TMEM131L: variants seen among roughly 807,000 people sequenced by gnomAD.
TMEM131L encodes the protein transmembrane protein 131-like.
Under a neutral mutation model 192.2 loss-of-function variants are expected in TMEM131L, and 54 were observed. The ratio of observed to expected loss-of-function variants is 0.28; its 90% confidence interval spans 0.23 to 0.35. The LOEUF is 0.35. Ranked by LOEUF, TMEM131L falls within the 10% of genes least tolerant of loss-of-function variation. TMEM131L has a pLI of 1.00. For synonymous variants in TMEM131L, 701 were observed against 704.9 expected, an observed-to-expected ratio of 0.99 and a Z score of 0.09; for missense variants, 1,888 against 1,972.9, an observed-to-expected ratio of 0.96 and a Z score of 0.82.
chr4:153,604,107 G>A lies in TMEM131L; in HGVS notation c.3095G>A (p.Ser1032Asn), dbSNP rs1240018985. Reference sequence around the variant, plus strand: ...GATGCCATGCGTGAGAACTGGATCAGCCTCAGATATGCAAGTGGCATAAAT... The same window carrying A: ...GATGCCATGCGTGAGAACTGGATCAACCTCAGATATGCAAGTGGCATAAAT... ...CTDAMRENWI[S>N]LRYASGINVN... The change falls in exon 25 of 35, where the codon AGC (serine) becomes AAC (asparagine). Residue 1032 changes from serine to asparagine, a missense_variant. Coordinates refer to ENST00000409959, the MANE Select transcript of TMEM131L (RefSeq NM_001131007.2). 5 of 1,614,050 alleles carry A rather than the reference G, an allele frequency of 3.1e-6. No homozygotes were observed. The highest frequency in any genetic ancestry group is 3.4e-6 in the Non-Finnish European group (4 of 1,180,044).
chr4:153,508,978 G>A (rs1734172730), intron 3 of TMEM131L, among the ~76,000 whole-genome samples: 1 of 152,048 alleles, frequency 6.6e-6, no homozygotes, highest in Non-Finnish European at 1.5e-5. Context: ...ACTTAAGTAA[G>A]TTAAACAAAT....
chr4:153,596,290 C>T lies in TMEM131L; in HGVS notation c.2028C>T (p.Ile676=), dbSNP rs373339871. Residue 676 remains isoleucine, a synonymous_variant, in exon 20 of 35, where the codon ATC becomes ATT. Transcript: ENST00000409959. ...GTHSEESRFG[I]LHLHLQPLEM... is the part of the protein sequence containing the mutation. ...ATTCTGAGGAATCCAGGTTTGGCAT[C>T]CTCCACTTACATCTGCAGCCTTTGG... 7 of 1,613,944 alleles carry T rather than the reference C, an allele frequency of 4.3e-6. No homozygotes were observed. The highest frequency in any genetic ancestry group is 3.3e-5 in the Admixed American group (2 of 60,016).
chr4:153,469,509 TG>T lies in TMEM131L; in HGVS notation c.195+2229del, dbSNP rs201374315. On this transcript the variant is annotated intron_variant, in intron 2 of 34. Coordinates refer to ENST00000409959, the MANE Select transcript of TMEM131L (RefSeq NM_001131007.2). ...ATATTTATAGGTGTTAATTTAAATT[TG>T]AGGGTTTTCTGCTTAATTAACCAGT... is the stretch of plus-strand genomic sequence containing the variant. Among the ~76,000 whole-genome samples the T allele has an allele frequency of 8.6e-3, 1,310 of 152,324 alleles. 13 individuals carry two copies. The highest frequency in any genetic ancestry group is 0.041 in the Middle Eastern group (12 of 294).
At chr4:153,552,515 C>T (rs1320105115) in intron 4 of TMEM131L, among the ~76,000 whole-genome samples, 1 of 152,098 alleles carries the variant, frequency 6.6e-6, no homozygotes, top group Admixed American at 6.5e-5. Flanking sequence ...AGTATTTACA[C>T]ACAACCTCCC....
chr4:153,482,242 T>C (rs981015751), intron 3 of TMEM131L, among the ~76,000 whole-genome samples: 6 of 152,190 alleles, frequency 3.9e-5, no homozygotes, highest in Non-Finnish European at 8.8e-5. Context: ...TGGTACCTTC[T>C]ACAGGGTCCT....
intron 3 of TMEM131L, among the ~76,000 whole-genome samples, chr4:153,497,692 T>C (rs940788776): frequency 9.9e-5 from 15 of 152,178 alleles, no homozygotes; most frequent in South Asian, 8.3e-4. Flanking sequence ...TACCCTGTTC[T>C]GGAAAAGAAA....
rs546242082 is a variant in TMEM131L, at chr4:153,540,042, C to T, written c.240-10031C>T. Among the ~76,000 whole-genome samples the T allele has an allele frequency of 7.9e-5, 12 of 151,802 alleles. No homozygotes were observed. The South Asian group carries it at 2.3e-3, about 29-fold the overall frequency. ...AGGAGAATTGCTTGAACCCGGGAGG[C>T]GGAGGTTGCAGTGAGCTGAGATCGC... On this transcript the variant is annotated intron_variant, in intron 3 of 34. Coordinates refer to ENST00000409959, the MANE Select transcript of TMEM131L (RefSeq NM_001131007.2).
chr4:153,543,180 T>C (rs61659583), intron 3 of TMEM131L, among the ~76,000 whole-genome samples: 12,281 of 152,216 alleles, frequency 0.081, 805 homozygotes, highest in East Asian at 0.25. Context: ...AAAAACTTTT[T>C]CTTATTGGTA....
intron 26 of TMEM131L, among the ~76,000 whole-genome samples, chr4:153,614,942 A>G (rs996086256): frequency 6.6e-6 from 1 of 152,174 alleles, no homozygotes; most frequent in Non-Finnish European, 1.5e-5. Context: ...GCCATTTACA[A>G]AAGATAGCTC....
At chr4:153,613,017 A>G (rs1200896326) in intron 26 of TMEM131L, among the ~76,000 whole-genome samples, 7 of 152,336 alleles carry the variant, frequency 4.6e-5, no homozygotes, top group East Asian at 1.9e-4. Context: ...AGACTTTTCA[A>G]TAGGAACATC....
chr4:153,491,166 C>T (rs145739996), intron 3 of TMEM131L, among the ~76,000 whole-genome samples: 3 of 152,204 alleles, frequency 2.0e-5, no homozygotes, highest in Admixed American at 6.5e-5. Flanking sequence ...ACACTGCTTA[C>T]GTTTTCTTTT....
At chr4:153,564,517 A>T (rs928069157) in intron 7 of TMEM131L, among the ~76,000 whole-genome samples, 11 of 152,164 alleles carry the variant, frequency 7.2e-5, no homozygotes, top group African/African-American at 2.7e-4. Flanking sequence ...GTGGACCAAG[A>T]TAATAGGAAA....
At chr4:153,580,717 T>C (rs1268852689) in intron 7 of TMEM131L, 109 bp from the exon 8 acceptor site, 2 of 649,578 alleles carry the variant, frequency 3.1e-6, no homozygotes, top group Admixed American at 2.7e-5. Flanking sequence ...CAGATATTTA[T>C]TGAATAAATG....
intron 3 of TMEM131L, among the ~76,000 whole-genome samples, chr4:153,474,759 C>A (rs990880627): frequency 2.0e-5 from 3 of 152,020 alleles, no homozygotes; most frequent in African/African-American, 7.2e-5. Context: ...TTTCTCCATG[C>A]TAGCCAGGCT....
At chr4:153,621,589 A>G in intron 27 of TMEM131L, 94 bp from the exon 28 acceptor site, 1 of 1,315,358 alleles carries the variant, frequency 7.6e-7, no homozygotes, top group Non-Finnish European at 1.1e-6. Context: ...CCAGATTCAT[A>G]TTTTCACCTC....
intron 2 of TMEM131L, among the ~76,000 whole-genome samples, chr4:153,471,813 C>G (rs1731180085): frequency 6.6e-6 from 1 of 152,122 alleles, no homozygotes; most frequent in South Asian, 2.1e-4. Context: ...TTGGGGCGGG[C>G]CCAGTTAGGT....
chr4:153,466,548 C>A, intron 1 of TMEM131L, 27 bp downstream of exon 1: 1 of 1,303,244 alleles, frequency 7.7e-7, no homozygotes. Context: ...TGGGCTCGCT[C>A]TGCCTCTCCA....
In TMEM131L at chr4:153,579,007, G is replaced by A. The variant is rs1055250296; in HGVS notation, c.661-1819G>A. The stretch of plus-strand genomic sequence containing the variant: ...GATAAATTTTAAAAATTAAAAATCA[G>A]TTTCAGAAAGTGGGCTTTTTCTGTT... On this transcript the variant is annotated intron_variant, in intron 7 of 34. Coordinates refer to ENST00000409959, the MANE Select transcript of TMEM131L (RefSeq NM_001131007.2). Among the ~76,000 whole-genome samples the A allele has an allele frequency of 2.6e-5, 4 of 152,126 alleles. No homozygotes were observed. The East Asian group carries it at 7.7e-4, about 29-fold the overall frequency.
intron 7 of TMEM131L, among the ~76,000 whole-genome samples, chr4:153,572,929 A>G (rs574678269): frequency 9.2e-5 from 14 of 152,314 alleles, no homozygotes; most frequent in Non-Finnish European, 1.3e-4. Context: ...GGACTATTCT[A>G]GGTCCCTCAT....
Sources: gnomAD v4.1 joint callset for allele counts (sites outside exome capture counted in the v4.1 genomes callset) on GRCh38, gnomAD v4.1.1 for gene constraint, MANE v1.5 for transcripts, NCBI Gene and HGNC (gene_info 2026-07-23, HGNC 2026-07-21) for gene names.